TPD52L1: variants seen among roughly 807,000 people sequenced by gnomAD.
TPD52L1 encodes the protein tumor protein D53.
A neutral mutation model predicts 28.7 loss-of-function variants in TPD52L1; 18 were observed. The observed-to-expected ratio is 0.63, with a 90% CI of 0.43 to 0.93. TPD52L1 has a LOEUF of 0.93. TPD52L1 is among the 40% of genes least tolerant of loss of function. The probability of loss-of-function intolerance (pLI) is 0.00; values close to 1 mark genes in which losing one functional copy is unlikely to be tolerated. For missense variants in TPD52L1, 203 were observed against 254.8 expected, an observed-to-expected ratio of 0.80 and a Z score of 1.39; for synonymous variants, 75 against 88.8, an observed-to-expected ratio of 0.84 and a Z score of 0.88.
chr6:125,154,318 G>A, intron 1 of TPD52L1: 1 of 1,112,790 alleles, frequency 9.0e-7, no homozygotes, highest in Non-Finnish European at 1.1e-6. Flanking sequence ...AGCGTGTTTC[G>A]CTCCCTTTCC....
intron 1 of TPD52L1, among the ~76,000 whole-genome samples, chr6:125,170,761 T>A (rs1239388895): frequency 6.6e-6 from 1 of 152,162 alleles, no homozygotes; most frequent in African/African-American, 2.4e-5. Context: ...CCCTTCTTAT[T>A]TCTAACACCT....
chr6:125,201,318 T>G (rs1793786976), intron 1 of TPD52L1, among the ~76,000 whole-genome samples: 1 of 152,312 alleles, frequency 6.6e-6, no homozygotes, highest in African/African-American at 2.4e-5. Flanking sequence ...CTTAAAGTGC[T>G]TTGGGGGTCG....
chr6:125,215,894 C>T (rs184356158), intron 1 of TPD52L1, among the ~76,000 whole-genome samples: 33 of 152,244 alleles, frequency 2.2e-4, no homozygotes, highest in South Asian at 1.4e-3. Context: ...TGTCTTCTCA[C>T]GTTATGAAGA....
chr6:125,204,932 A>G (rs1016458801), intron 1 of TPD52L1, among the ~76,000 whole-genome samples: 3 of 152,242 alleles, frequency 2.0e-5, no homozygotes, highest in Non-Finnish European at 4.4e-5. Flanking sequence ...GAAGAAAAAG[A>G]CAATGAATTG....
chr6:125,209,057 AG>A (rs1448780415), intron 1 of TPD52L1: 3 of 656,166 alleles, frequency 4.6e-6, no homozygotes, highest in Non-Finnish European at 5.7e-6. Context: ...TCCCATACAC[AG>A]CCTTGATCTC....
chr6:125,248,838 C>A (rs1255770863), intron 4 of TPD52L1, among the ~76,000 whole-genome samples: 1 of 151,930 alleles, frequency 6.6e-6, no homozygotes, highest in Non-Finnish European at 1.5e-5. Context: ...CATAAAGGTA[C>A]CACACATATA....
chr6:125,204,540 G>A (rs1342372020), intron 1 of TPD52L1, among the ~76,000 whole-genome samples: 1 of 151,786 alleles, frequency 6.6e-6, no homozygotes, highest in Non-Finnish European at 1.5e-5. Flanking sequence ...AGTGCAGTGG[G>A]GCGATCTCGG....
intron 1 of TPD52L1, among the ~76,000 whole-genome samples, chr6:125,217,879 T>C (rs1794985275): frequency 6.6e-6 from 1 of 152,234 alleles, no homozygotes; most frequent in Non-Finnish European, 1.5e-5. Context: ...TCACTCGATA[T>C]CTTATTTCCA....
At chr6:125,175,159 T>C (rs1052933410) in intron 1 of TPD52L1, among the ~76,000 whole-genome samples, 6 of 152,158 alleles carry the variant, frequency 3.9e-5, no homozygotes, top group Non-Finnish European at 7.4e-5. Flanking sequence ...GCAGGGGCTT[T>C]GATTGTTTTC....
intron 2 of TPD52L1, among the ~76,000 whole-genome samples, chr6:125,223,211 T>G (rs1795371095): frequency 1.3e-5 from 2 of 152,164 alleles, no homozygotes; most frequent in Non-Finnish European, 2.9e-5. Context: ...CTCTGTCTTA[T>G]CCTGCATTAT....
intron 2 of TPD52L1, among the ~76,000 whole-genome samples, chr6:125,222,838 A>G (rs895289868): frequency 1.3e-5 from 2 of 152,204 alleles, no homozygotes; most frequent in Non-Finnish European, 2.9e-5. Context: ...CTCTTACACA[A>G]ACGCCTTAGA....
intron 1 of TPD52L1, among the ~76,000 whole-genome samples, chr6:125,196,166 T>C (rs971786695): frequency 3.9e-5 from 6 of 152,216 alleles, no homozygotes; most frequent in Admixed American, 6.5e-5. Context: ...GCTCTAAATG[T>C]ATTAATCATC....
chr6:125,214,136 C>G (rs568540554), intron 1 of TPD52L1, among the ~76,000 whole-genome samples: 36 of 152,220 alleles, frequency 2.4e-4, no homozygotes, highest in African/African-American at 7.7e-4. Flanking sequence ...ACAGGCAGGA[C>G]TAGACATTTG....
chr6:125,251,124 C>A (rs1204360815), intron 4 of TPD52L1, among the ~76,000 whole-genome samples: 1 of 143,444 alleles, frequency 7.0e-6, no homozygotes, highest in Admixed American at 6.8e-5. Flanking sequence ...TAATAAAAGA[C>A]CTTAAATGGG....
chr6:125,188,919 A>G (rs1792847185), intron 1 of TPD52L1, among the ~76,000 whole-genome samples: 1 of 152,270 alleles, frequency 6.6e-6, no homozygotes, highest in Non-Finnish European at 1.5e-5. Flanking sequence ...ACCTTCTGAC[A>G]GCAGGTTCCT....
chr6:125,183,612 A>G (rs1345544351), intron 1 of TPD52L1, among the ~76,000 whole-genome samples: 1 of 152,244 alleles, frequency 6.6e-6, no homozygotes, highest in Non-Finnish European at 1.5e-5. Flanking sequence ...TATTCTCTTC[A>G]TGACTCACCA....
intron 4 of TPD52L1, chr6:125,252,023 T>G: frequency 6.5e-7 from 1 of 1,536,080 alleles, no homozygotes; most frequent in Non-Finnish European, 8.7e-7. Flanking sequence ...GGGCTGCAGG[T>G]CTCACTCCAT....
intron 1 of TPD52L1, among the ~76,000 whole-genome samples, chr6:125,175,668 T>C (rs1373068387): frequency 6.6e-6 from 1 of 152,124 alleles, no homozygotes; most frequent in Non-Finnish European, 1.5e-5. Flanking sequence ...GAGATAAACA[T>C]AGGACAAGAG....
rs548995073 is a variant in TPD52L1 at position 125,179,517 on chromosome 6, G to T, written c.19+25547G>T. 5.1e-4 allele frequency among the ~76,000 whole-genome samples: 78 copies of T among 152,232 alleles called. No homozygotes were observed. In the Middle Eastern group the frequency reaches 0.014, roughly 27 times the overall value. ...AATGCTAGTTTTCCTTACTATTAATGGTTTAATGCTTATTTTAAAAATCCC... is the reference window on the plus strand; with the variant it reads ...AATGCTAGTTTTCCTTACTATTAATTGTTTAATGCTTATTTTAAAAATCCC... On this transcript the variant is annotated intron_variant, in intron 1 of 6. Coordinates refer to ENST00000534000, the MANE Select transcript of TPD52L1 (RefSeq NM_003287.4).
Sources: gnomAD v4.1 joint callset for allele counts (sites outside exome capture counted in the v4.1 genomes callset) on GRCh38, gnomAD v4.1.1 for gene constraint, MANE v1.5 for transcripts, NCBI Gene and HGNC (gene_info 2026-07-23, HGNC 2026-07-21) for gene names.